PRELID2: variants seen among roughly 807,000 people sequenced by gnomAD.
The protein encoded by PRELID2 is PRELI domain-containing protein 2.
PRELID2 carries 25 observed loss-of-function variants against 28.4 expected under a neutral mutation model. That is an observed-to-expected ratio of 0.88 (90% CI 0.64 to 1.23). The LOEUF is 1.23. Ranked by LOEUF, PRELID2 falls within the 50% of genes most tolerant of loss-of-function variation. The pLI is 0.00. For missense variants in PRELID2, 201 were observed against 214.4 expected, an observed-to-expected ratio of 0.94 and a Z score of 0.39; for synonymous variants, 76 against 71.6, an observed-to-expected ratio of 1.06 and a Z score of -0.31.
At chr5:145,787,249 T>TA (rs1399393921) in intron 5 of PRELID2, among the ~76,000 whole-genome samples, 1 of 152,182 alleles carries the variant, frequency 6.6e-6, no homozygotes, top group Non-Finnish European at 1.5e-5. Context: ...CAAACTAGGC[T>TA]AAAAAAAGAA....
chr5:145,231,178 A>G, the PRELID2 span, among the ~76,000 whole-genome samples: 12 of 151,954 alleles, frequency 7.9e-5, no homozygotes, highest in Admixed American at 5.9e-4. Context: ...CAATGCCTGC[A>G]TTACAAACCA....
chr5:145,802,391 T>C (rs1430841683), intron 4 of PRELID2, among the ~76,000 whole-genome samples: 1 of 152,146 alleles, frequency 6.6e-6, no homozygotes, highest in African/African-American at 2.4e-5. Context: ...GTTGTATCTA[T>C]TTTTTCTTCA....
At chr5:145,316,486 G>A in the PRELID2 span, among the ~76,000 whole-genome samples, 10 of 152,084 alleles carry the variant, frequency 6.6e-5, no homozygotes, top group Non-Finnish European at 1.3e-4. Context: ...CATACACCAC[G>A]CAGCTAAAAA....
At chr5:145,442,528 G>T in the PRELID2 span, among the ~76,000 whole-genome samples, 1 of 152,030 alleles carries the variant, frequency 6.6e-6, no homozygotes, top group Non-Finnish European at 1.5e-5. Context: ...GGGTCAAGGG[G>T]TGTCACCGCC....
At chr5:145,825,225 CAAAAAAAAAAAAAAAAAAAA>C (rs56818178) in intron 1 of PRELID2, among the ~76,000 whole-genome samples, 77 of 60,428 alleles carry the variant, frequency 1.3e-3, no homozygotes, top group African/African-American at 3.9e-3. Flanking sequence ...GACTCTGTCT[CAAAAAAAAAAAAAAAAAAAA>C]AAAAAAAAAA....
the PRELID2 span, among the ~76,000 whole-genome samples, chr5:145,414,106 G>A: frequency 1.3e-5 from 2 of 152,052 alleles, no homozygotes; most frequent in African/African-American, 2.4e-5. Context: ...ACCCTTTTCA[G>A]GATATGGGAA....
chr5:145,434,563 A>G, the PRELID2 span, among the ~76,000 whole-genome samples: 1 of 152,176 alleles, frequency 6.6e-6, no homozygotes, highest in Non-Finnish European at 1.5e-5. Flanking sequence ...TAATGAGTTC[A>G]TTCTCTTCAC....
chr5:145,626,512 T>TA (rs890783978), intron 1 of PRELID2, among the ~76,000 whole-genome samples: 1 of 151,498 alleles, frequency 6.6e-6, no homozygotes, highest in Non-Finnish European at 1.5e-5. Flanking sequence ...TATTAAAAAG[T>TA]AAAAAAATGT....
chr5:145,495,962 A>T (rs751647570), intron 1 of PRELID2, among the ~76,000 whole-genome samples: 4 of 152,180 alleles, frequency 2.6e-5, no homozygotes, highest in Admixed American at 2.0e-4. Context: ...TTCCATTACC[A>T]TGTGCCCTTT....
At chr5:145,301,914 C>G in the PRELID2 span, among the ~76,000 whole-genome samples, 3 of 147,560 alleles carry the variant, frequency 2.0e-5, no homozygotes, top group Non-Finnish European at 4.5e-5. Flanking sequence ...CCTAAGTCAT[C>G]CAACTTTATT....
chr5:145,626,435 T>C (rs1753845132), intron 1 of PRELID2, among the ~76,000 whole-genome samples: 1 of 152,114 alleles, frequency 6.6e-6, no homozygotes. Flanking sequence ...ACAACGTCGC[T>C]AATCACCAGA....
At chr5:145,389,867 A>G in the PRELID2 span, among the ~76,000 whole-genome samples, 1 of 152,222 alleles carries the variant, frequency 6.6e-6, no homozygotes, top group Non-Finnish European at 1.5e-5. Context: ...ATAAAAATTT[A>G]TATCAGACCA....
the PRELID2 span, among the ~76,000 whole-genome samples, chr5:145,259,857 G>T: frequency 6.6e-6 from 1 of 152,192 alleles, no homozygotes; most frequent in Non-Finnish European, 1.5e-5. Flanking sequence ...GGGGAAAGGA[G>T]TAGAATGATA....
At chr5:145,440,904 G>A in the PRELID2 span, 16 of 152,058 alleles carry the variant, frequency 1.1e-4, no homozygotes, top group African/African-American at 3.6e-4. Flanking sequence ...GTCACAAGAG[G>A]CTCATTAGGC....
chr5:145,336,024 T>G, the PRELID2 span, among the ~76,000 whole-genome samples: 6 of 152,244 alleles, frequency 3.9e-5, no homozygotes, highest in African/African-American at 1.4e-4. Context: ...TGATGGCCAG[T>G]GATGGTGAGC....
chr5:145,679,611 T>A (rs772856083), intron 1 of PRELID2, among the ~76,000 whole-genome samples: 1 of 152,120 alleles, frequency 6.6e-6, no homozygotes, highest in Non-Finnish European at 1.5e-5. Context: ...TATCAGATGC[T>A]CAGTAAATAC....
the PRELID2 span, among the ~76,000 whole-genome samples, chr5:145,392,655 A>G: frequency 3.3e-5 from 5 of 152,036 alleles, no homozygotes; most frequent in Admixed American, 3.3e-4. Flanking sequence ...CCAAAAATAG[A>G]CATCACATAA....
intron 1 of PRELID2, among the ~76,000 whole-genome samples, chr5:145,596,292 G>A (rs569582150): frequency 1.3e-5 from 2 of 152,066 alleles, no homozygotes; most frequent in Non-Finnish European, 2.9e-5. Flanking sequence ...TTATCAGAAG[G>A]GAGGTTATTA....
At chr5:145,529,123 A>G (rs148411124) in intron 1 of PRELID2, among the ~76,000 whole-genome samples, 75 of 152,302 alleles carry the variant, frequency 4.9e-4, no homozygotes, top group African/African-American at 1.7e-3. Flanking sequence ...ATATAATGAA[A>G]TATTGTGAAA....
Sources: gnomAD v4.1 joint callset for allele counts (sites outside exome capture counted in the v4.1 genomes callset) on GRCh38, gnomAD v4.1.1 for gene constraint, MANE v1.5 for transcripts, NCBI Gene and HGNC (gene_info 2026-07-23, HGNC 2026-07-21) for gene names.